The following CNDP1 variants were observed in gnomAD, a reference collection of about 807,000 sequenced individuals.
CNDP1 encodes the protein beta-Ala-His dipeptidase.
A neutral mutation model predicts 58.1 loss-of-function variants in CNDP1; 44 were observed. The observed-to-expected ratio is 0.76, with a 90% CI of 0.60 to 0.97. The LOEUF is 0.97. Among genes scored for constraint, CNDP1 ranks in the 50% least tolerant of loss-of-function variants. The pLI is 0.00. For synonymous variants in CNDP1, 254 were observed against 252.6 expected (o/e 1.01, Z -0.05); for missense variants, 616 against 655.1 (o/e 0.94, Z 0.65).
intron 1 of CNDP1, among the ~76,000 whole-genome samples, chr18:74,547,102 G>A (rs562950241): frequency 6.6e-5 from 10 of 152,340 alleles, no homozygotes; most frequent in East Asian, 5.8e-4. Context: ...GCTCAGCTCC[G>A]TGCCTACAGG....
intron 3 of CNDP1, among the ~76,000 whole-genome samples, chr18:74,560,174 C>G (rs965425728): frequency 6.6e-6 from 1 of 152,108 alleles, no homozygotes; most frequent in South Asian, 2.1e-4. Context: ...CACCACCACA[C>G]CCAGCTAATC....
intron 5 of CNDP1, among the ~76,000 whole-genome samples, chr18:74,563,914 C>T (rs551100156): frequency 6.6e-6 from 1 of 152,206 alleles, no homozygotes; most frequent in East Asian, 1.9e-4. Flanking sequence ...GGATTTCCAA[C>T]TACTCCTCAG....
At chr18:74,560,612 A>T (rs1981164254) in intron 3 of CNDP1, among the ~76,000 whole-genome samples, 1 of 152,036 alleles carries the variant, frequency 6.6e-6, no homozygotes, top group Non-Finnish European at 1.5e-5. Context: ...GGAGGCTGAG[A>T]TGGGAGAATC....
intron 1 of CNDP1, among the ~76,000 whole-genome samples, chr18:74,546,957 T>G (rs1980775369): frequency 6.6e-6 from 1 of 152,156 alleles, no homozygotes; most frequent in South Asian, 2.1e-4. Context: ...GGACTCACAG[T>G]TCTTGAGACT....
Position 74,586,150 on chromosome 18 carries a change from A to G in CNDP1, c.*1588A>G, listed in dbSNP as rs1192056333. The G allele has an allele frequency of 6.6e-6, 1 of 151,928 alleles. No individual in the cohort carries two copies. Among genetic ancestry groups the G allele is most frequent in the Non-Finnish European group, 1.5e-5 (1 of 68,038 alleles). 9.4% of individuals were successfully genotyped at this position (151,928 alleles called of 1,614,324 possible). On this transcript the variant is annotated 3_prime_UTR_variant, in exon 12 of 12. Transcript: ENST00000358821. ...GCAGGCAGTGATTCAGTTCACCTTG[A>G]CTCTAGTCATAGAAGTGGACCCAAC...
intron 10 of CNDP1, among the ~76,000 whole-genome samples, chr18:74,581,126 G>C (rs1981778411): frequency 6.7e-6 from 1 of 149,050 alleles, no homozygotes; most frequent in South Asian, 2.1e-4. Flanking sequence ...AAGAGACTGG[G>C]GCTTTAATGG....
At position 74,562,092 on chromosome 18, in the gene CNDP1, T is replaced by C. The variant is rs1981216470; in HGVS notation, c.512T>C (p.Leu171Ser). ...GCGACCGACAACAAAGGCCCTGTCTTGGCTTGGATCAATGCTGTGAGCGCC... is the reference window on the plus strand; with the variant it reads ...GCGACCGACAACAAAGGCCCTGTCTCGGCTTGGATCAATGCTGTGAGCGCC... Reference protein sequence around the residue: ...RGATDNKGPVLAWINAVSAFR... With the variant: ...RGATDNKGPVSAWINAVSAFR... The change falls in exon 5 of 12, where the codon TTG (leucine) becomes TCG (serine). Residue 171 changes from leucine (L) to serine (S), a missense_variant. Physicochemically the swap from Leu to Ser is moderately radical, Grantham distance 145 (BLOSUM62 -2). Transcript: ENST00000358821. The C allele has an allele frequency of 6.2e-7, 1 of 1,614,156 alleles. No homozygotes were observed.
chr18:74,555,597 G>A (rs534855719), intron 1 of CNDP1, among the ~76,000 whole-genome samples: 139 of 152,280 alleles, frequency 9.1e-4, no homozygotes, highest in African/African-American at 2.8e-3. Context: ...CTGGCTCTTA[G>A]GCTCCCAAGG....
chr18:74,539,867 C>T (rs758120028), intron 1 of CNDP1, among the ~76,000 whole-genome samples: 2 of 152,210 alleles, frequency 1.3e-5, no homozygotes, highest in African/African-American at 4.8e-5. Context: ...AAGAGAGCCC[C>T]TCCCAGGACC....
intron 9 of CNDP1, 26 bp from the exon 10 acceptor site, chr18:74,580,104 T>G: frequency 6.2e-7 from 1 of 1,601,240 alleles, no homozygotes; most frequent in South Asian, 1.1e-5. Flanking sequence ...ACACTTTCTC[T>G]TATCATTGAA....
At chr18:74,550,653 T>TACAAGCTC (rs1246419126) in intron 1 of CNDP1, among the ~76,000 whole-genome samples, 1 of 150,774 alleles carries the variant, frequency 6.6e-6, no homozygotes. Flanking sequence ...CTCGGCTCAC[T>TACAAGCTC]ACAAGCTCTG....
At chr18:74,542,162 A>C (rs1196865501) in intron 1 of CNDP1, among the ~76,000 whole-genome samples, 1 of 152,226 alleles carries the variant, frequency 6.6e-6, no homozygotes, top group Non-Finnish European at 1.5e-5. Context: ...ACTGCAGGCC[A>C]GAGGTGTGCG....
intron 2 of CNDP1, among the ~76,000 whole-genome samples, chr18:74,558,462 T>C (rs950899931): frequency 6.9e-6 from 1 of 143,944 alleles, no homozygotes; most frequent in Non-Finnish European, 1.5e-5. Context: ...TGGCACGATC[T>C]TGGCACACTG....
chr18:74,580,414 A>C, intron 10 of CNDP1, 143 bp downstream of exon 10: 1 of 793,368 alleles, frequency 1.3e-6, no homozygotes, highest in Non-Finnish European at 2.0e-6. Flanking sequence ...AATGCATGCC[A>C]TGTGCAGGGC....
intron 1 of CNDP1, among the ~76,000 whole-genome samples, chr18:74,536,811 T>C (rs1054099933): frequency 3.3e-5 from 5 of 152,242 alleles, no homozygotes; most frequent in African/African-American, 1.2e-4. Flanking sequence ...ATCTGTTATT[T>C]TTTGACTTTT....
chr18:74,556,302 A>G, intron 1 of CNDP1, 36 bp from the exon 2 acceptor site: 1 of 1,600,920 alleles, frequency 6.2e-7, no homozygotes, highest in Non-Finnish European at 8.5e-7. Context: ...ACTGGCATTG[A>G]TTTTCATTCG....
Position 74,583,591 on chromosome 18 carries a change from A to T in CNDP1, c.1340A>T (p.Asp447Val), listed in dbSNP as rs1327831483. Residue 447 changes from aspartate to valine, a missense_variant, in exon 11 of 12, where the codon GAT becomes GTT. By Grantham distance (152) the Asp-to-Val change is radical. Coordinates refer to ENST00000358821, the MANE Select transcript of CNDP1 (RefSeq NM_032649.6). Reference sequence around the variant, plus strand: ...GGAACAGAACCAGATATGATCCGGGATGGATCCACCATTCCAATTGCCAAA... The same window carrying T: ...GGAACAGAACCAGATATGATCCGGGTTGGATCCACCATTCCAATTGCCAAA... ...VFGTEPDMIR[D>V]GSTIPIAKMF... is the part of the protein sequence containing the mutation. 1 of 1,614,128 alleles carries T rather than the reference A, an allele frequency of 6.2e-7. No individual in the cohort carries two copies. Among genetic ancestry groups the T allele is most frequent in the South Asian group, 1.1e-5 (1 of 91,080 alleles).
Position 74,556,338 on chromosome 18 carries a change from G to C in CNDP1, c.25G>C (p.Ala9Pro). 6.2e-7 allele frequency: 1 copy of C among 1,607,910 alleles called. No individual in the cohort carries two copies. The highest frequency in any genetic ancestry group is 8.5e-7 in the Non-Finnish European group (1 of 1,178,722). The part of the protein sequence containing the change: MDPKLGRM[A>P]ASLLAVLLLL... The stretch of plus-strand genomic sequence containing the variant: ...TTCCTCCCATGTCAAACCCTTCCAG[G>C]CTGCGTCCCTGCTGGCTGTGCTGCT... Residue 9 changes from alanine (A) to proline (P), a missense_variant and splice_region_variant, in exon 2 of 12, where the codon GCT (alanine) becomes CCT (proline). By Grantham distance (27) the Ala-to-Pro change is conservative. Coordinates refer to ENST00000358821, the MANE Select transcript of CNDP1 (RefSeq NM_032649.6).
At chr18:74,537,093 A>T (rs1280315761) in intron 1 of CNDP1, among the ~76,000 whole-genome samples, 1 of 152,022 alleles carries the variant, frequency 6.6e-6, no homozygotes, top group African/African-American at 2.4e-5. Flanking sequence ...TTGTCCGTTT[A>T]CTCTGTTGAT....
Sources: allele counts gnomAD v4.1 joint callset (sites outside exome capture counted in the v4.1 genomes callset), GRCh38; gene constraint gnomAD v4.1.1; transcripts MANE v1.5; gene names NCBI Gene and HGNC (gene_info 2026-07-23, HGNC 2026-07-21).